The following OSBP2 variants were observed in gnomAD, a reference collection of about 807,000 sequenced individuals.
The protein encoded by OSBP2 is oxysterol-binding protein 2.
In OSBP2, 66 loss-of-function variants were observed where a neutral mutation model predicts 96.0. That is an observed-to-expected ratio of 0.69 (90% CI 0.56 to 0.84). The LOEUF (loss-of-function observed/expected upper bound fraction) is 0.84, where lower values mean the gene tolerates loss of function less well. OSBP2 is among the 40% of genes least tolerant of loss of function. The probability of loss-of-function intolerance (pLI) is 0.00; values close to 1 mark genes in which losing one functional copy is unlikely to be tolerated. For missense variants in OSBP2, 1,038 were observed against 1,222.7 expected (o/e 0.85, Z 2.25); for synonymous variants, 525 against 520.9 (o/e 1.01, Z -0.11).
chr22:30,695,809 G>A (rs1413345458), intron 1 of OSBP2, among the ~76,000 whole-genome samples: 1 of 152,216 alleles, frequency 6.6e-6, no homozygotes, highest in East Asian at 1.9e-4. Context: ...GGTGGAGTAA[G>A]GGAGTGATCT....
chr22:30,830,544 T>C (rs2038499529), intron 2 of OSBP2, among the ~76,000 whole-genome samples: 1 of 152,252 alleles, frequency 6.6e-6, no homozygotes, highest in African/African-American at 2.4e-5. Context: ...CAGCATAGTT[T>C]GTACGGGACA....
chr22:30,705,510 C>A (rs1279890631), intron 1 of OSBP2, among the ~76,000 whole-genome samples: 10 of 152,026 alleles, frequency 6.6e-5, no homozygotes, highest in Admixed American at 3.9e-4. Context: ...TCAGGCTGGT[C>A]TCGAACTCCC....
rs201100084 is a variant in OSBP2, at chr22:30,695,442, C to T, written c.533C>T (p.Ala178Val). The T allele has an allele frequency of 2.7e-5, 43 of 1,613,746 alleles. No individual in the cohort carries two copies. Among genetic ancestry groups the T allele is most frequent in the Admixed American group, 1.3e-4 (8 of 60,032 alleles). Residue 178 changes from alanine (A) to valine (V), a missense_variant, in exon 1 of 14, where the codon GCC becomes GTC. By Grantham distance (64) the Ala-to-Val change is moderately conservative. Coordinates refer to ENST00000332585, the MANE Select transcript of OSBP2 (RefSeq NM_030758.4). ...GTGTTSSAPL[A>V]LLPLDSFEGW... ...GGCACGACCTCCAGTGCCCCACTGG[C>T]CTTACTGCCTCTGGACAGCTTCGAG...
intron 2 of OSBP2, among the ~76,000 whole-genome samples, chr22:30,840,324 GA>G (rs907220395): frequency 1.5e-3 from 192 of 131,002 alleles, no homozygotes; most frequent in South Asian, 4.3e-3. Flanking sequence ...AAAGAAAAAG[GA>G]AAAAAAAAAA....
chr22:30,737,268 G>A (rs1031760053), intron 1 of OSBP2, among the ~76,000 whole-genome samples: 4 of 151,126 alleles, frequency 2.6e-5, no homozygotes, highest in African/African-American at 7.3e-5. Context: ...CTGCAGCCTC[G>A]GCGTCCCAAA....
Position 30,890,745 on chromosome 22 carries a change from C to G in OSBP2, c.1641C>G (p.Pro547=), listed in dbSNP as rs2039929531. Reference sequence around the variant, plus strand: ...ACCCACAGGTGAACTTCAATGAGCCCCTGTCCATGCTCCAGCGGCTGACAG... The same window carrying G: ...ACCCACAGGTGAACTTCAATGAGCCGCTGTCCATGCTCCAGCGGCTGACAG... ...RIPMPVNFNE[P]LSMLQRLTED... The change falls in exon 8 of 14, where the codon CCC becomes CCG. Residue 547 remains proline (P), a synonymous_variant. Coordinates refer to ENST00000332585, the MANE Select transcript of OSBP2 (RefSeq NM_030758.4). The surrounding 1 kb of genome is among the most constrained non-coding windows in gnomAD (Gnocchi z 4.4). 1 of 1,612,870 alleles carries G rather than the reference C, an allele frequency of 6.2e-7. No homozygotes were observed. The highest frequency in any genetic ancestry group is 2.2e-5 in the East Asian group (1 of 44,874).
intron 2 of OSBP2, among the ~76,000 whole-genome samples, chr22:30,810,927 G>A (rs1244448178): frequency 6.6e-6 from 1 of 152,066 alleles, no homozygotes; most frequent in African/African-American, 2.4e-5. Context: ...AGCGTGAGCC[G>A]GAGTTGATCC....
intron 2 of OSBP2, among the ~76,000 whole-genome samples, chr22:30,780,204 G>A (rs150133926): frequency 3.9e-5 from 6 of 152,228 alleles, no homozygotes; most frequent in Non-Finnish European, 8.8e-5. Context: ...GAGTTGCCTC[G>A]TACCATTTCC....
chr22:30,723,298 G>A (rs2089584680), intron 1 of OSBP2, among the ~76,000 whole-genome samples: 1 of 151,412 alleles, frequency 6.6e-6, no homozygotes, highest in Admixed American at 6.6e-5. Flanking sequence ...GTAGAGACGG[G>A]GTTTCACCAT....
chr22:30,761,234 T>C lies in OSBP2; in HGVS notation c.853+19865T>C, dbSNP rs2090201185. On this transcript the variant is annotated intron_variant, in intron 2 of 13. Transcript: ENST00000332585. ...AATCCCAGGAAATCTACAAAAATATTTTTAGAGTGAGTTTAACAAGGTCAC... is the reference window on the plus strand; with the variant it reads ...AATCCCAGGAAATCTACAAAAATATCTTTAGAGTGAGTTTAACAAGGTCAC... 2.0e-5 allele frequency among the ~76,000 whole-genome samples: 3 copies of C among 152,110 alleles called. No individual in the cohort carries two copies. The South Asian group carries it at 6.2e-4, about 32-fold the overall frequency.
intron 2 of OSBP2, among the ~76,000 whole-genome samples, chr22:30,807,458 AAC>A (rs2090944371): frequency 6.6e-6 from 1 of 152,194 alleles, no homozygotes; most frequent in Admixed American, 6.5e-5. Flanking sequence ...ATCTTTCAGG[AAC>A]ACAGATTCTG....
intron 3 of OSBP2, among the ~76,000 whole-genome samples, chr22:30,883,478 C>T (rs924197473): frequency 6.6e-6 from 1 of 152,228 alleles, no homozygotes; most frequent in Non-Finnish European, 1.5e-5. Flanking sequence ...CCAGGGTCAG[C>T]AGAGCAGCAG....
chr22:30,784,541 G>A (rs923924159), intron 2 of OSBP2, among the ~76,000 whole-genome samples: 18 of 152,194 alleles, frequency 1.2e-4, no homozygotes, highest in Admixed American at 6.5e-4. Context: ...TTACAGGGAT[G>A]AGTCACCGTG....
At chr22:30,847,309 G>A (rs2038890362) in intron 2 of OSBP2, among the ~76,000 whole-genome samples, 1 of 151,148 alleles carries the variant, frequency 6.6e-6, no homozygotes, top group African/African-American at 2.4e-5. Flanking sequence ...CTGAGAGGGA[G>A]TCTTGCTGTT....
chr22:30,734,184 A>G (rs984148241), intron 1 of OSBP2, among the ~76,000 whole-genome samples: 1 of 152,184 alleles, frequency 6.6e-6, no homozygotes, highest in Admixed American at 6.6e-5. Context: ...CATGTTGGCC[A>G]GGCTGGTCTC....
intron 2 of OSBP2, among the ~76,000 whole-genome samples, chr22:30,829,646 T>A (rs1015234366): frequency 2.7e-4 from 41 of 152,222 alleles, no homozygotes; most frequent in Non-Finnish European, 1.5e-5. Context: ...TGTAAACTGT[T>A]GTAATAGTTT....
chr22:30,889,333 C>T lies in OSBP2; in HGVS notation c.1476+99C>T, dbSNP rs2039890834. On this transcript the variant is annotated intron_variant, in intron 6 of 13. Transcript: ENST00000332585. ...CAAGAACTGGGGGCCAGCAGGCAGGCCCATGCCCCAGTCCAGGAGCACCAT... is the reference window on the plus strand; with the variant it reads ...CAAGAACTGGGGGCCAGCAGGCAGGTCCATGCCCCAGTCCAGGAGCACCAT... 2.1e-6 allele frequency: 3 copies of T among 1,422,450 alleles called. No homozygotes were observed. In the South Asian group the frequency reaches 3.7e-5, roughly 17 times the overall value. 88.1% of individuals were successfully genotyped at this position (1,422,450 alleles called of 1,614,324 possible).
chr22:30,797,519 C>T (rs1248329334), intron 2 of OSBP2, among the ~76,000 whole-genome samples: 4 of 151,866 alleles, frequency 2.6e-5, no homozygotes, highest in African/African-American at 9.7e-5. Flanking sequence ...CCTGACCTCG[C>T]GATCAGCCCA....
chr22:30,717,406 T>C (rs2089480366), intron 1 of OSBP2, among the ~76,000 whole-genome samples: 1 of 152,138 alleles, frequency 6.6e-6, no homozygotes, highest in South Asian at 2.1e-4. Flanking sequence ...TTGCCAAAGA[T>C]CATTTGACAC....
Sources: allele counts gnomAD v4.1 joint callset (sites outside exome capture counted in the v4.1 genomes callset), GRCh38; gene constraint gnomAD v4.1.1; non-coding constraint Gnocchi (gnomAD v3.1); transcripts MANE v1.5; gene names NCBI Gene and HGNC (gene_info 2026-07-23, HGNC 2026-07-21).